The following ST7 variants were observed in gnomAD, a reference collection of about 807,000 sequenced individuals.
ST7 encodes suppression of tumorigenicity 7.
ST7 carries 28 observed loss-of-function variants against 78.7 expected under a neutral mutation model. The ratio of observed to expected loss-of-function variants is 0.36; its 90% CI spans 0.26 to 0.49. The LOEUF (loss-of-function observed/expected upper bound fraction) is 0.49. Ranked by LOEUF, ST7 falls within the 20% of genes least tolerant of loss-of-function variation. The pLI is 0.99. For synonymous variants in ST7, 247 were observed against 249.6 expected (o/e 0.99, Z 0.10); for missense variants, 418 against 696.0 (o/e 0.60, Z 4.49).
chr7:117,079,352 C>CCCT (rs1315342419), intron 1 of ST7, among the ~76,000 whole-genome samples: 2 of 152,172 alleles, frequency 1.3e-5, no homozygotes, highest in Non-Finnish European at 2.9e-5. Flanking sequence ...TTCCTAGAAC[C>CCCT]AGTCCTCCAT....
intron 1 of ST7, chr7:117,081,143 A>G (rs1799742786): frequency 6.6e-6 from 1 of 152,166 alleles, no homozygotes; most frequent in African/African-American, 2.4e-5. Flanking sequence ...ACTTGAAAAT[A>G]TAAAAGGGTA....
intron 1 of ST7, among the ~76,000 whole-genome samples, chr7:116,958,162 A>ATTTTTTTTTTTTT (rs34132237): frequency 1.0e-5 from 1 of 95,614 alleles, no homozygotes; most frequent in African/African-American, 4.2e-5. Context: ...TGCGTGGCTA[A>ATTTTTTTTTTTTT]TTTTTTTTTT....
At chr7:117,175,135 A>G (rs993029941) in intron 10 of ST7, among the ~76,000 whole-genome samples, 2 of 152,166 alleles carry the variant, frequency 1.3e-5, no homozygotes, top group Admixed American at 1.3e-4. Context: ...ATCAACTTGT[A>G]TCTGATTTTT....
At chr7:117,029,499 G>GTGTA (rs552942036) in intron 1 of ST7, among the ~76,000 whole-genome samples, 156 of 152,010 alleles carry the variant, frequency 1.0e-3, no homozygotes, top group African/African-American at 3.6e-3. Flanking sequence ...CTTTTGTCAG[G>GTGTA]TGTATGTATT....
chr7:117,003,839 G>T (rs1256404386), intron 1 of ST7, among the ~76,000 whole-genome samples: 4 of 152,192 alleles, frequency 2.6e-5, no homozygotes, highest in Non-Finnish European at 4.4e-5. Flanking sequence ...TGAGTTGTCT[G>T]TAGGCTGCAA....
At chr7:117,206,000 A>T (rs1791719734) in intron 12 of ST7, among the ~76,000 whole-genome samples, 2 of 152,200 alleles carry the variant, frequency 1.3e-5, no homozygotes, top group African/African-American at 4.8e-5. Flanking sequence ...GACAAGTAAG[A>T]TGTGAAATGT....
intron 12 of ST7, among the ~76,000 whole-genome samples, chr7:117,204,417 T>C (rs1791539667): frequency 6.6e-6 from 1 of 152,162 alleles, no homozygotes; most frequent in South Asian, 2.1e-4. Context: ...AAATAACATG[T>C]CCAGGGTCTC....
chr7:117,160,737 G>A (rs1807077437), intron 9 of ST7, among the ~76,000 whole-genome samples: 1 of 151,868 alleles, frequency 6.6e-6, no homozygotes, highest in African/African-American at 2.4e-5. Flanking sequence ...TGGTTTTAGA[G>A]AAGAAGCAAG....
intron 1 of ST7, among the ~76,000 whole-genome samples, chr7:117,065,101 A>G (rs1316039287): frequency 6.6e-6 from 1 of 152,136 alleles, no homozygotes; most frequent in African/African-American, 2.4e-5. Flanking sequence ...GTATTATTCT[A>G]ACTATACTGA....
chr7:116,982,215 T>TTTTTG (rs1206958317), intron 1 of ST7, among the ~76,000 whole-genome samples: 5 of 152,120 alleles, frequency 3.3e-5, no homozygotes, highest in Non-Finnish European at 7.4e-5. Flanking sequence ...TTTTACTTCT[T>TTTTTG]TTTTGTTTTG....
chr7:117,171,359 C>G (rs1807976471), intron 10 of ST7, among the ~76,000 whole-genome samples: 2 of 152,142 alleles, frequency 1.3e-5, no homozygotes, highest in Admixed American at 6.5e-5. Flanking sequence ...CATCAGTTCA[C>G]TGTGACCACA....
In ST7 at chr7:117,002,359, C is replaced by G. The variant is rs188088395; in HGVS notation, c.151+48668C>G. 6.6e-5 allele frequency among the ~76,000 whole-genome samples: 10 copies of G among 152,184 alleles called. No homozygotes were observed. In the East Asian group the frequency reaches 1.4e-3, roughly 21 times the overall value. On this transcript the variant is annotated intron_variant, in intron 1 of 15. Transcript: ENST00000323984. ...CCTCCTACCTCAGCCTCTCGAGTAG[C>G]TGAGACTGTGAGAATGCAACACCAT... is the stretch of plus-strand genomic sequence containing the variant.
intron 1 of ST7, among the ~76,000 whole-genome samples, chr7:117,016,356 A>G (rs1795615643): frequency 6.6e-6 from 1 of 152,202 alleles, no homozygotes; most frequent in Admixed American, 6.5e-5. Context: ...TATGCAGAGA[A>G]ATCAAATTTG....
intron 1 of ST7, among the ~76,000 whole-genome samples, chr7:117,086,739 G>A (rs535959261): frequency 2.6e-5 from 4 of 152,194 alleles, no homozygotes; most frequent in South Asian, 4.1e-4. Context: ...ACTGTTACCC[G>A]TAGACATTAC....
At position 117,190,705 on chromosome 7, in the gene ST7, C is replaced by T; in HGVS notation, c.1152-129C>T. 1.5e-6 allele frequency: 1 copy of T among 676,982 alleles called. No individual in the cohort carries two copies. The highest frequency in any genetic ancestry group is 2.7e-5 in the East Asian group (1 of 36,630). 41.9% of individuals were successfully genotyped at this position (676,982 alleles called of 1,614,324 possible). ...CGTGGGGTCACTCAGAGGTTCCATG[C>T]AGTAGAAGTTTGGAGAGCTCATGCT... On this transcript the variant is annotated intron_variant, in intron 11 of 15. Transcript: ENST00000323984. This position sits in a 1 kb window ranked among gnomAD's most constrained non-coding sequence, Gnocchi z 5.2.
intron 12 of ST7, among the ~76,000 whole-genome samples, chr7:117,197,552 T>C (rs1810431931): frequency 6.6e-6 from 1 of 152,218 alleles, no homozygotes; most frequent in Non-Finnish European, 1.5e-5. Flanking sequence ...AACTCCTTCT[T>C]CACTATTTTA....
At chr7:117,226,107 T>C (rs1236653209) in intron 15 of ST7, among the ~76,000 whole-genome samples, 2 of 152,190 alleles carry the variant, frequency 1.3e-5, no homozygotes, top group Non-Finnish European at 2.9e-5. Flanking sequence ...GTCCTCGACC[T>C]CTTTGAAGCC....
At chr7:117,072,380 C>CA (rs1799023524) in intron 1 of ST7, 1 of 152,074 alleles carries the variant, frequency 6.6e-6, no homozygotes, top group African/African-American at 2.4e-5. Context: ...AAAAAACAAA[C>CA]AAACAAACAA....
intron 2 of ST7, among the ~76,000 whole-genome samples, chr7:117,113,945 G>A (rs897278170): frequency 2.0e-5 from 3 of 152,116 alleles, no homozygotes; most frequent in South Asian, 2.1e-4. Context: ...TTAATGCTGC[G>A]GTGGAAAATC....
Sources: allele counts gnomAD v4.1 joint callset (sites outside exome capture counted in the v4.1 genomes callset), GRCh38; gene constraint gnomAD v4.1.1; non-coding constraint Gnocchi (gnomAD v3.1); transcripts MANE v1.5; gene names NCBI Gene and HGNC (gene_info 2026-07-23, HGNC 2026-07-21).